LOC400499: variants seen among roughly 807,000 people sequenced by gnomAD.
chr16:11,443,282 C>A, the LOC400499 span: 1 of 336,944 alleles, frequency 3.0e-6, no homozygotes, highest in Non-Finnish European at 5.5e-6. Flanking sequence ...CGACATTGCG[C>A]AGCTGCACCC....
At chr16:11,510,834 G>C in the LOC400499 span, among the ~76,000 whole-genome samples, 5 of 151,502 alleles carry the variant, frequency 3.3e-5, no homozygotes, top group African/African-American at 1.2e-4. Context: ...AGGAAGACAG[G>C]GCCAAGCCAG....
At chr16:11,383,712 G>A in the LOC400499 span, 4 of 1,232,518 alleles carry the variant, frequency 3.2e-6, no homozygotes, top group South Asian at 8.2e-5. Flanking sequence ...CCGCCAGGTT[G>A]CAGGCAGGCT....
chr16:11,418,525 C>T, the LOC400499 span, among the ~76,000 whole-genome samples: 2 of 152,196 alleles, frequency 1.3e-5, no homozygotes, highest in Admixed American at 6.5e-5. Context: ...GGAAGTTGCC[C>T]TATATTGTCT....
chr16:11,448,080 C>G, the LOC400499 span: 8 of 1,533,514 alleles, frequency 5.2e-6, no homozygotes, highest in African/African-American at 9.6e-5. Context: ...GGGGCTGCAA[C>G]AAGATCCAGG....
chr16:11,488,833 C>CAGCT, the LOC400499 span: 3 of 398,790 alleles, frequency 7.5e-6, no homozygotes, highest in African/African-American at 6.2e-5. Flanking sequence ...GCGTCTCCAG[C>CAGCT]AGCTGCAGGA....
the LOC400499 span, among the ~76,000 whole-genome samples, chr16:11,413,419 A>T: frequency 6.6e-6 from 1 of 152,064 alleles, no homozygotes; most frequent in South Asian, 2.1e-4. Flanking sequence ...GGTAATCTGA[A>T]ACAGGAGGGT....
At chr16:11,421,114 C>T in the LOC400499 span, among the ~76,000 whole-genome samples, 12 of 152,256 alleles carry the variant, frequency 7.9e-5, no homozygotes, top group East Asian at 1.5e-3. Context: ...CAAGGTCAGA[C>T]GGGCCCCAGG....
At chr16:11,399,345 GAAGT>G in the LOC400499 span, 4 of 953,034 alleles carry the variant, frequency 4.2e-6, no homozygotes, top group African/African-American at 5.1e-5. Context: ...TCACAGCAGA[GAAGT>G]AAGTTGCCCA....
chr16:11,486,759 GAT>G, the LOC400499 span, among the ~76,000 whole-genome samples: 1 of 23,074 alleles, frequency 4.3e-5, no homozygotes, highest in Non-Finnish European at 6.4e-5. Context: ...TGGGTGGGTG[GAT>G]GGATGAATGG....
At chr16:11,439,517 T>C in the LOC400499 span, 404 of 399,052 alleles carry the variant, frequency 1.0e-3, no homozygotes, top group African/African-American at 7.6e-3. Context: ...TGTTGGTCCG[T>C]GAGGATGCCT....
chr16:11,372,777 C>T, the LOC400499 span: 2 of 970,310 alleles, frequency 2.1e-6, no homozygotes, highest in Non-Finnish European at 2.5e-6. Flanking sequence ...GGCTATGGGC[C>T]CCTGAGGAGA....
chr16:11,441,933 CAG>C, the LOC400499 span, among the ~76,000 whole-genome samples: 1 of 152,342 alleles, frequency 6.6e-6, no homozygotes, highest in Non-Finnish European at 1.5e-5. Flanking sequence ...ACTAAGATTT[CAG>C]AGATTCGTTA....
At chr16:11,394,131 C>T in the LOC400499 span, among the ~76,000 whole-genome samples, 1 of 152,126 alleles carries the variant, frequency 6.6e-6, no homozygotes, top group African/African-American at 2.4e-5. Context: ...CTGCTACAGC[C>T]CAGGCTTTCC....
the LOC400499 span, among the ~76,000 whole-genome samples, chr16:11,381,971 CTTGCTCTG>C: frequency 6.7e-6 from 1 of 149,696 alleles, no homozygotes; most frequent in Non-Finnish European, 1.5e-5. Context: ...GAGACGGAGT[CTTGCTCTG>C]TTGTTCAGGC....
chr16:11,391,506 G>C, the LOC400499 span, among the ~76,000 whole-genome samples: 1 of 152,306 alleles, frequency 6.6e-6, no homozygotes, highest in East Asian at 1.9e-4. Flanking sequence ...TAACAAATAA[G>C]GCAGGGGGCT....
chr16:11,384,903 C>T, the LOC400499 span: 2 of 1,232,176 alleles, frequency 1.6e-6, no homozygotes, highest in African/African-American at 1.6e-5. Flanking sequence ...TGCCAGAGGC[C>T]CAGAGTCAGG....
At chr16:11,446,324 A>AT in the LOC400499 span, among the ~76,000 whole-genome samples, 81,374 of 151,216 alleles carry the variant, frequency 0.54, 22,079 homozygotes, top group South Asian at 0.64. Flanking sequence ...TAATTAAACA[A>AT]TTTTTTTTTC....
chr16:11,494,191 G>A, the LOC400499 span, among the ~76,000 whole-genome samples: 1 of 144,850 alleles, frequency 6.9e-6, no homozygotes, highest in African/African-American at 2.6e-5. Context: ...AGTGGTGTGG[G>A]GGGTGGGCTG....
At chr16:11,472,459 C>G in the LOC400499 span, 1 of 152,168 alleles carries the variant, frequency 6.6e-6, no homozygotes, top group Admixed American at 6.5e-5. Flanking sequence ...TCCCAAAGCG[C>G]TGTGATTACA....
Sources: allele counts gnomAD v4.1 joint callset (sites outside exome capture counted in the v4.1 genomes callset), GRCh38; gene constraint gnomAD v4.1.1; transcripts MANE v1.5.